Variants in TMOD3 observed in about 807,000 individuals in gnomAD.
TMOD3 encodes the protein tropomodulin 3.
TMOD3 carries 20 observed loss-of-function variants against 39.2 expected under a neutral mutation model. The observed-to-expected ratio is 0.51, with a 90% confidence interval of 0.36 to 0.74. TMOD3 has a LOEUF of 0.74. TMOD3 is among the 30% of genes least tolerant of loss of function. The probability of loss-of-function intolerance (pLI) is 0.00; values close to 1 mark genes in which losing one functional copy is unlikely to be tolerated. For synonymous variants in TMOD3, 143 were observed against 145.8 expected, an observed-to-expected ratio of 0.98 and a Z score of 0.14; for missense variants, 381 against 412.8, an observed-to-expected ratio of 0.92 and a Z score of 0.67.
chr15:51,847,157 G>C (rs1226183636), intron 1 of TMOD3, among the ~76,000 whole-genome samples: 3 of 152,092 alleles, frequency 2.0e-5, no homozygotes, highest in African/African-American at 7.2e-5. Flanking sequence ...TTTTTGAAGT[G>C]GTATGAATAA....
At chr15:51,840,782 G>C (rs899790670) in intron 1 of TMOD3, among the ~76,000 whole-genome samples, 2 of 152,184 alleles carry the variant, frequency 1.3e-5, no homozygotes, top group Admixed American at 6.5e-5. Context: ...TTCTGAGATT[G>C]TTGACGTTTA....
At chr15:51,894,028 C>CT in intron 6 of TMOD3, 83 bp downstream of exon 6, 4 of 1,234,766 alleles carry the variant, frequency 3.2e-6, no homozygotes, top group Non-Finnish European at 4.3e-6. Flanking sequence ...ATAAAATAGT[C>CT]TAATTCTTTC....
chr15:51,876,240 C>G lies in TMOD3; in HGVS notation c.283+6867C>G, dbSNP rs149719451. ...CTGGAGAGCGGTGGCATGATCACAGCTCACTGCAGCCTCAAACTCTTGGGC... is the reference window on the plus strand; with the variant it reads ...CTGGAGAGCGGTGGCATGATCACAGGTCACTGCAGCCTCAAACTCTTGGGC... On this transcript the variant is annotated intron_variant, in intron 3 of 9. Transcript: ENST00000308580. 4.3e-3 allele frequency among the ~76,000 whole-genome samples: 661 copies of G among 152,272 alleles called. 6 individuals carry two copies. Among genetic ancestry groups the G allele is most frequent in the African/African-American group, 0.015 (636 of 41,552 alleles).
intron 1 of TMOD3, among the ~76,000 whole-genome samples, chr15:51,841,605 C>G (rs1439804496): frequency 6.6e-6 from 1 of 152,154 alleles, no homozygotes; most frequent in Non-Finnish European, 1.5e-5. Flanking sequence ...TAAGACTTCC[C>G]TTCTTTCATC....
At chr15:51,876,813 C>T (rs1035787691) in intron 3 of TMOD3, among the ~76,000 whole-genome samples, 2 of 152,096 alleles carry the variant, frequency 1.3e-5, no homozygotes, top group African/African-American at 4.8e-5. Context: ...ATGGCTCACA[C>T]CTGTAATTGC....
chr15:51,869,257 C>T lies in TMOD3; in HGVS notation c.167C>T (p.Thr56Ile). Reference protein sequence around the residue: ...LPAGFRQKNQTSKSTTGPFDR... With the variant: ...LPAGFRQKNQISKSTTGPFDR... ...GCAGGGTTCCGGCAGAAGAACCAGACATCAAAGTCCACCACAGGGCCATTT... is the reference window on the plus strand; with the variant it reads ...GCAGGGTTCCGGCAGAAGAACCAGATATCAAAGTCCACCACAGGGCCATTT... Residue 56 changes from threonine to isoleucine, a missense_variant, in exon 3 of 10, where the codon ACA becomes ATA. Coordinates refer to ENST00000308580, the MANE Select transcript of TMOD3 (RefSeq NM_014547.5). 6.2e-7 allele frequency: 1 copy of T among 1,614,074 alleles called. No individual in the cohort carries two copies. The highest frequency in any genetic ancestry group is 8.5e-7 in the Non-Finnish European group (1 of 1,180,000).
At chr15:51,893,327 A>G (rs567721961) in intron 5 of TMOD3, among the ~76,000 whole-genome samples, 47 of 151,116 alleles carry the variant, frequency 3.1e-4, no homozygotes, top group South Asian at 2.9e-3. Flanking sequence ...AAAAAAATTA[A>G]ATAAATAAAT....
At chr15:51,835,924 A>G (rs1027700052) in intron 1 of TMOD3, among the ~76,000 whole-genome samples, 4 of 152,200 alleles carry the variant, frequency 2.6e-5, no homozygotes, top group African/African-American at 9.7e-5. Flanking sequence ...TCCCTTAGGT[A>G]GATCACCCTT....
chr15:51,832,366 C>T (rs943727092), intron 1 of TMOD3, among the ~76,000 whole-genome samples: 16 of 151,510 alleles, frequency 1.1e-4, no homozygotes, highest in Admixed American at 2.6e-4. Flanking sequence ...AGATATTTTC[C>T]AGTTGCAGGA....
In TMOD3 at chr15:51,909,001, A is replaced by C. The variant is rs1224948037; in HGVS notation, c.*191A>C. ...ATATTTTATATTCTGAAACATTTCT[A>C]CTTTCTGCTAAAATCAATTTTAATT... On this transcript the variant is annotated 3_prime_UTR_variant, in exon 10 of 10. Transcript: ENST00000308580. 3 of 408,380 alleles carry C rather than the reference A, an allele frequency of 7.3e-6. No individual in the cohort carries two copies. The highest frequency in any genetic ancestry group is 1.3e-5 in the Non-Finnish European group (3 of 230,062). 25.3% of individuals were successfully genotyped at this position (408,380 alleles called of 1,614,324 possible).
chr15:51,899,296 T>A (rs2056637148), intron 7 of TMOD3, among the ~76,000 whole-genome samples: 1 of 152,010 alleles, frequency 6.6e-6, no homozygotes, highest in Admixed American at 6.6e-5. Flanking sequence ...AAGTAGGGAA[T>A]GAGGAGTAGA....
chr15:51,903,986 G>A (rs1274847065), intron 9 of TMOD3, among the ~76,000 whole-genome samples: 1 of 152,174 alleles, frequency 6.6e-6, no homozygotes, highest in South Asian at 2.1e-4. Context: ...CTGTTATGCA[G>A]GATAAGCTGA....
intron 3 of TMOD3, among the ~76,000 whole-genome samples, chr15:51,873,710 ATT>A (rs200582229): frequency 4.1e-5 from 6 of 146,474 alleles, no homozygotes; most frequent in African/African-American, 9.9e-5. Context: ...TGACTGCTTA[ATT>A]TTTTTTTTTT....
chr15:51,865,018 A>G (rs557046301), intron 2 of TMOD3, among the ~76,000 whole-genome samples: 7 of 151,980 alleles, frequency 4.6e-5, no homozygotes, highest in African/African-American at 1.5e-4. Flanking sequence ...CCCAATTCTC[A>G]CTCTGTTCCT....
chr15:51,875,808 C>T (rs1039636553), intron 3 of TMOD3, among the ~76,000 whole-genome samples: 2 of 151,838 alleles, frequency 1.3e-5, no homozygotes, highest in African/African-American at 2.4e-5. Context: ...TTAGTAGAGA[C>T]AGGGTTTCAC....
intron 1 of TMOD3, among the ~76,000 whole-genome samples, chr15:51,857,266 C>G (rs897080946): frequency 6.6e-6 from 1 of 152,168 alleles, no homozygotes; most frequent in Non-Finnish European, 1.5e-5. Flanking sequence ...GGTAGAGTGG[C>G]TACTTTTGGA....
At chr15:51,897,879 G>C (rs181415794) in intron 7 of TMOD3, among the ~76,000 whole-genome samples, 2 of 150,134 alleles carry the variant, frequency 1.3e-5, no homozygotes, top group East Asian at 3.9e-4. Flanking sequence ...AAATATTTCA[G>C]AATCCAACCA....
At chr15:51,897,554 G>A (rs537267614) in intron 7 of TMOD3, among the ~76,000 whole-genome samples, 10 of 139,962 alleles carry the variant, frequency 7.1e-5, no homozygotes, top group South Asian at 4.4e-4. Context: ...GCGCAATCTC[G>A]GCTCACTGCA....
At chr15:51,895,216 C>CTTT (rs974778013) in intron 6 of TMOD3, among the ~76,000 whole-genome samples, 1 of 138,142 alleles carries the variant, frequency 7.2e-6, no homozygotes, top group Middle Eastern at 3.4e-3. Context: ...TGATTACTAA[C>CTTT]TTTTTTTTTT....
Sources: allele counts gnomAD v4.1 joint callset (sites outside exome capture counted in the v4.1 genomes callset), GRCh38; gene constraint gnomAD v4.1.1; transcripts MANE v1.5; gene names NCBI Gene and HGNC (gene_info 2026-07-23, HGNC 2026-07-21).